Variants in SLC35D1 observed in about 807,000 individuals in gnomAD.
SLC35D1 encodes the protein solute carrier family 35 member D1, also known as nucleotide sugar transporter SLC35D1.
Under a neutral mutation model 46.7 loss-of-function variants are expected in SLC35D1, and 31 were observed. The observed-to-expected ratio is 0.66, with a 90% CI of 0.50 to 0.90. The LOEUF (loss-of-function observed/expected upper bound fraction) is 0.90, where lower values mean the gene tolerates loss of function less well. Among genes scored for constraint, SLC35D1 ranks in the 40% least tolerant of loss-of-function variants. The probability of loss-of-function intolerance (pLI) is 0.00; values close to 1 mark genes in which losing one functional copy is unlikely to be tolerated. For synonymous variants in SLC35D1, 195 were observed against 164.6 expected, an observed-to-expected ratio of 1.18 and a Z score of -1.41; for missense variants, 397 against 426.2, an observed-to-expected ratio of 0.93 and a Z score of 0.60.
intron 8 of SLC35D1, among the ~76,000 whole-genome samples, chr1:67,036,532 C>T (rs1668126375): frequency 6.6e-6 from 1 of 151,936 alleles, no homozygotes; most frequent in Non-Finnish European, 1.5e-5. Flanking sequence ...TATATAGTGA[C>T]CTTCTTTGTG....
At chr1:67,049,256 T>G (rs1395215748) in intron 6 of SLC35D1, among the ~76,000 whole-genome samples, 5 of 150,216 alleles carry the variant, frequency 3.3e-5, no homozygotes. Context: ...AGCCCACTAC[T>G]GGACTCCAGC....
At chr1:66,985,056 T>C in the SLC35D1 span, 1 of 1,362,634 alleles carries the variant, frequency 7.3e-7, no homozygotes, top group Non-Finnish European at 9.5e-7. Context: ...ATTCTGCCTT[T>C]TGCAGATTTT....
chr1:67,000,951 G>A lies in SLC35D1; in HGVS notation c.*3389C>T, dbSNP rs1667327613. 1 of 152,342 alleles carries A rather than the reference G, an allele frequency of 6.6e-6. No individual in the cohort carries two copies. Among genetic ancestry groups the A allele is most frequent in the African/African-American group, 2.4e-5 (1 of 41,434 alleles). The allele number at this position is 152,342 out of a possible 1,614,324, so 9.4% of individuals were successfully genotyped here. ...TAAAATCAGTGATACTCATAACCAT[G>A]CAGGCAGCTCTTGGTTACAAAATCA... On this transcript the variant is annotated 3_prime_UTR_variant, in exon 12 of 12. Transcript: ENST00000235345.
intron 6 of SLC35D1, 58 bp from the exon 7 acceptor site, chr1:67,047,425 A>G: frequency 7.3e-7 from 1 of 1,371,690 alleles, no homozygotes; most frequent in South Asian, 1.2e-5. Context: ...TTAATTTTAA[A>G]TAGATATAAG....
chr1:67,036,105 G>A (rs559691850), intron 8 of SLC35D1, among the ~76,000 whole-genome samples: 1 of 151,968 alleles, frequency 6.6e-6, no homozygotes, highest in Non-Finnish European at 1.5e-5. Flanking sequence ...CTAACATATG[G>A]TCTATCCTTG....
At chr1:66,997,334 A>G (rs532735924), downstream of SLC35D1, among the ~76,000 whole-genome samples, 64 of 151,674 alleles carry the variant, frequency 4.2e-4, no homozygotes, top group Admixed American at 2.4e-3. Context: ...AGCAATAGCA[A>G]AACCCCGTCT....
chr1:66,980,502 C>T, the SLC35D1 span, among the ~76,000 whole-genome samples: 1 of 152,232 alleles, frequency 6.6e-6, no homozygotes, highest in South Asian at 2.1e-4. Context: ...CAGTGATGAC[C>T]ATATAGGTTG....
At chr1:66,984,994 A>G in the SLC35D1 span, 1 of 1,438,790 alleles carries the variant, frequency 7.0e-7, no homozygotes. Flanking sequence ...ATTTCCTTGA[A>G]GCAGTTTGAA....
intron 10 of SLC35D1, among the ~76,000 whole-genome samples, chr1:67,017,678 C>T (rs375308108): frequency 2.0e-5 from 3 of 152,180 alleles, no homozygotes; most frequent in South Asian, 4.1e-4. Flanking sequence ...ACTCTATACA[C>T]TACTCCAGAC....
intron 6 of SLC35D1, among the ~76,000 whole-genome samples, chr1:67,048,645 C>T (rs966543536): frequency 6.6e-6 from 1 of 152,174 alleles, no homozygotes; most frequent in Non-Finnish European, 1.5e-5. Flanking sequence ...AAGAAGTACA[C>T]TGGAACTCCT....
Position 67,054,130 on chromosome 1 carries a change from C to A in SLC35D1, c.-117G>T, listed in dbSNP as rs185099403. On this transcript the variant is annotated 5_prime_UTR_variant, in exon 1 of 12. Coordinates refer to ENST00000235345, the MANE Select transcript of SLC35D1 (RefSeq NM_015139.3). ...GCAGACTAGGCCAGCTGCGCGCTCGCCGCCTCGACTCCCCGCTTGGCCGCC... is the reference window on the plus strand; with the variant it reads ...GCAGACTAGGCCAGCTGCGCGCTCGACGCCTCGACTCCCCGCTTGGCCGCC... 9.1e-5 allele frequency: 91 copies of A among 997,960 alleles called. 1 individual carries two copies. The highest frequency in any genetic ancestry group is 1.2e-4 in the Non-Finnish European group (86 of 697,308). 61.8% of individuals were successfully genotyped at this position (997,960 alleles called of 1,614,324 possible).
At chr1:67,030,117 G>C (rs1359156288) in intron 8 of SLC35D1, among the ~76,000 whole-genome samples, 5 of 151,956 alleles carry the variant, frequency 3.3e-5, no homozygotes, top group Non-Finnish European at 7.4e-5. Context: ...ACCTAGAAAA[G>C]TAGGTGGACC....
At chr1:67,019,094 T>C (rs1203140206) in intron 10 of SLC35D1, among the ~76,000 whole-genome samples, 1 of 152,212 alleles carries the variant, frequency 6.6e-6, no homozygotes, top group Non-Finnish European at 1.5e-5. Flanking sequence ...AGAATGACTT[T>C]ATTTGTATCC....
chr1:67,033,282 T>C (rs1054882568), intron 8 of SLC35D1, among the ~76,000 whole-genome samples: 2 of 152,230 alleles, frequency 1.3e-5, no homozygotes, highest in African/African-American at 2.4e-5. Flanking sequence ...GCTGTATTTT[T>C]AGTTTTTTGA....
At chr1:66,982,565 A>AT in the SLC35D1 span, among the ~76,000 whole-genome samples, 2 of 152,200 alleles carry the variant, frequency 1.3e-5, no homozygotes, top group East Asian at 3.9e-4. Context: ...TTCTTCTTTG[A>AT]TTAAATGGTC....
chr1:66,994,030 C>T, the SLC35D1 span, among the ~76,000 whole-genome samples: 1 of 131,290 alleles, frequency 7.6e-6, no homozygotes, highest in Non-Finnish European at 1.6e-5. Flanking sequence ...AAATGCAGGA[C>T]AATCAGCATT....
chr1:67,030,846 C>T (rs931543074), intron 8 of SLC35D1, among the ~76,000 whole-genome samples: 2 of 152,174 alleles, frequency 1.3e-5, no homozygotes, highest in South Asian at 2.1e-4. Context: ...TGCTGCCATA[C>T]ATTTTTGGAG....
At chr1:66,979,031 A>G in the SLC35D1 span, among the ~76,000 whole-genome samples, 1 of 152,166 alleles carries the variant, frequency 6.6e-6, no homozygotes, top group Non-Finnish European at 1.5e-5. Context: ...ACGTGAACTA[A>G]TGTGTTTTTT....
chr1:67,013,744 A>G (rs1418683228), intron 10 of SLC35D1, among the ~76,000 whole-genome samples: 1 of 152,114 alleles, frequency 6.6e-6, no homozygotes, highest in Non-Finnish European at 1.5e-5. Flanking sequence ...TGTGTGTGAG[A>G]GATGAGTGGT....
Sources: gnomAD v4.1 joint callset for allele counts (sites outside exome capture counted in the v4.1 genomes callset) on GRCh38, gnomAD v4.1.1 for gene constraint, MANE v1.5 for transcripts, NCBI Gene and HGNC (gene_info 2026-07-23, HGNC 2026-07-21) for gene names.